The following CRPPA variants were observed in gnomAD, a reference collection of about 807,000 sequenced individuals.
CRPPA encodes the protein D-ribitol-5-phosphate cytidylyltransferase.
CRPPA carries 43 observed loss-of-function variants against 52.0 expected under a neutral mutation model. The observed-to-expected ratio is 0.83, with a 90% confidence interval of 0.65 to 1.07. CRPPA has a LOEUF of 1.07. CRPPA is among the 50% of genes least tolerant of loss of function. The pLI is 0.00. For synonymous variants in CRPPA, 250 were observed against 203.5 expected, an observed-to-expected ratio of 1.23 and a Z score of -1.94; for missense variants, 629 against 551.7, an observed-to-expected ratio of 1.14 and a Z score of -1.40.
chr7:16,366,393 T>C (rs1283589230), intron 3 of CRPPA, among the ~76,000 whole-genome samples: 1 of 152,118 alleles, frequency 6.6e-6, no homozygotes, highest in Non-Finnish European at 1.5e-5. Flanking sequence ...CAAATCAATA[T>C]ACAGCCATCA....
chr7:16,165,298 G>A (rs1781031163), intron 9 of CRPPA, among the ~76,000 whole-genome samples: 2 of 150,784 alleles, frequency 1.3e-5, no homozygotes, highest in Non-Finnish European at 2.9e-5. Context: ...TATGATAAAG[G>A]AGAAATACTA....
intron 9 of CRPPA, among the ~76,000 whole-genome samples, chr7:16,144,226 C>G (rs1782927746): frequency 6.6e-6 from 1 of 152,232 alleles, no homozygotes; most frequent in African/African-American, 2.4e-5. Flanking sequence ...GAGCCCCTTT[C>G]ACCAAAAATC....
chr7:16,379,663 C>A (rs1380625967), intron 2 of CRPPA, among the ~76,000 whole-genome samples: 1 of 152,168 alleles, frequency 6.6e-6, no homozygotes, highest in East Asian at 1.9e-4. Flanking sequence ...TCTTTTATTT[C>A]ATTGAGCAGT....
chr7:16,410,958 T>C (rs1373895513), intron 1 of CRPPA, among the ~76,000 whole-genome samples: 6 of 152,218 alleles, frequency 3.9e-5, no homozygotes, highest in African/African-American at 1.2e-4. Context: ...AGAGTGCTTA[T>C]ACACGTAGAG....
intron 9 of CRPPA, among the ~76,000 whole-genome samples, chr7:16,110,825 C>G (rs923554418): frequency 1.3e-5 from 2 of 152,046 alleles, no homozygotes; most frequent in Non-Finnish European, 2.9e-5. Flanking sequence ...AAATACAAGA[C>G]CAAAAGCTAT....
intron 5 of CRPPA, among the ~76,000 whole-genome samples, chr7:16,289,610 G>T (rs1041986225): frequency 1.3e-5 from 2 of 152,032 alleles, no homozygotes; most frequent in African/African-American, 4.8e-5. Flanking sequence ...CATAGAAAAA[G>T]CATTTGATAA....
chr7:16,314,270 C>G (rs1785096356), intron 3 of CRPPA, among the ~76,000 whole-genome samples: 1 of 151,932 alleles, frequency 6.6e-6, no homozygotes, highest in African/African-American at 2.4e-5. Context: ...TAGTAAATGT[C>G]CTAGATTTTG....
intron 8 of CRPPA, among the ~76,000 whole-genome samples, chr7:16,237,675 C>T (rs78542586): frequency 0.027 from 4,055 of 152,290 alleles, 65 homozygotes; most frequent in Non-Finnish European, 0.042. Flanking sequence ...AATCTACTTT[C>T]TGTCCTGCAT....
chr7:16,117,285 G>C (rs1178064603), intron 9 of CRPPA, among the ~76,000 whole-genome samples: 1 of 152,124 alleles, frequency 6.6e-6, no homozygotes, highest in Non-Finnish European at 1.5e-5. Flanking sequence ...ATCTGTTCCA[G>C]GCCAAATCTG....
chr7:16,319,401 C>A (rs1785210483), intron 3 of CRPPA, among the ~76,000 whole-genome samples: 1 of 152,126 alleles, frequency 6.6e-6, no homozygotes, highest in Non-Finnish European at 1.5e-5. Context: ...CCCTACATCA[C>A]CGTCTTGGAA....
chr7:16,279,701 A>T (rs777565285), intron 5 of CRPPA, among the ~76,000 whole-genome samples: 43 of 152,220 alleles, frequency 2.8e-4, no homozygotes, highest in Non-Finnish European at 5.3e-4. Context: ...GATTTTGCTT[A>T]GGAGTGGGAG....
chr7:16,143,665 T>G (rs1216898220), intron 9 of CRPPA, among the ~76,000 whole-genome samples: 5 of 152,194 alleles, frequency 3.3e-5, no homozygotes, highest in Admixed American at 1.3e-4. Context: ...GTACCAAGTA[T>G]CACTCTCTCT....
chr7:16,275,672 G>GA (rs1231196321), intron 6 of CRPPA, among the ~76,000 whole-genome samples: 16 of 149,202 alleles, frequency 1.1e-4, no homozygotes, highest in Admixed American at 2.7e-4. Context: ...CTACAAAAAG[G>GA]AAAAAAAAAA....
intron 9 of CRPPA, among the ~76,000 whole-genome samples, chr7:16,116,391 G>A (rs562506145): frequency 1.1e-4 from 16 of 152,246 alleles, no homozygotes; most frequent in East Asian, 5.8e-4. Flanking sequence ...GTGGTCGGGC[G>A]CAGTGGCTCA....
chr7:16,373,972 AACTG>A (rs1330184028), intron 3 of CRPPA, among the ~76,000 whole-genome samples: 5 of 152,192 alleles, frequency 3.3e-5, no homozygotes, highest in South Asian at 2.1e-4. Flanking sequence ...AGTTTCTTCT[AACTG>A]ACTAACTTCA....
intron 5 of CRPPA, among the ~76,000 whole-genome samples, chr7:16,282,659 A>G (rs1784342733): frequency 6.6e-6 from 1 of 152,104 alleles, no homozygotes; most frequent in Non-Finnish European, 1.5e-5. Context: ...AAAAATTAAG[A>G]AAAAATATGT....
At chr7:16,321,564 T>A (rs1041643338) in intron 3 of CRPPA, among the ~76,000 whole-genome samples, 1 of 152,098 alleles carries the variant, frequency 6.6e-6, no homozygotes, top group African/African-American at 2.4e-5. Flanking sequence ...TAACAGGTTA[T>A]GAGAATCTGA....
At chr7:16,389,675 C>T (rs1787384621) in intron 2 of CRPPA, among the ~76,000 whole-genome samples, 1 of 151,698 alleles carries the variant, frequency 6.6e-6, no homozygotes, top group Admixed American at 6.6e-5. Context: ...TGAGTGTTTT[C>T]CCTTTATGAT....
At chr7:16,342,664 C>A (rs1785879176) in intron 3 of CRPPA, among the ~76,000 whole-genome samples, 1 of 148,658 alleles carries the variant, frequency 6.7e-6, no homozygotes, top group African/African-American at 2.5e-5. Flanking sequence ...CCAGTAATGC[C>A]AGCATTTTGG....
Sources: allele counts gnomAD v4.1 joint callset (sites outside exome capture counted in the v4.1 genomes callset), GRCh38; gene constraint gnomAD v4.1.1; transcripts MANE v1.5; gene names NCBI Gene and HGNC (gene_info 2026-07-23, HGNC 2026-07-21).